VCX: variants seen among roughly 807,000 people sequenced by gnomAD.
The protein encoded by VCX is variable charge X-linked.
For missense variants in VCX, 45 were observed against 171.8 expected (o/e 0.26, Z 4.13); for synonymous variants, 17 against 79.4 (o/e 0.21, Z 4.18).
rs752893781 is a variant in VCX, at chrX:7,843,779, CCA to C, written c.385_386del (p.Gln129GlyfsTer?). The C allele has an allele frequency of 0.012, 4,431 of 373,228 alleles. 345 individuals carry two copies. Among genetic ancestry groups the C allele is most frequent in the Admixed American group, 0.09 (1,100 of 12,160 alleles). The allele number at this position is 373,228 out of a possible 1,213,427, so 30.8% of individuals were successfully genotyped here. A position where few individuals can be genotyped will look rare whatever the true frequency, so the allele number is the denominator to read the frequency against. ...EVEEPLSQESQVEEPLSQESE... is the reference protein window; with the variant it reads ...EVEEPLSQESXVEEPLSQESE... ...TGGAAGAACCACTGAGTCAGGAGAG[CCA>C]GGTGGAGGAACCACTGAGTCAGGAG... On this transcript the variant is annotated frameshift_variant, in exon 2 of 2. Transcript: ENST00000688183. LOFTEE classifies it low-confidence loss of function (END_TRUNC).
chrX:7,843,060 C>A (rs1268433222), upstream of VCX: 8 of 701,342 alleles, frequency 1.1e-5, 1 homozygote, highest in Non-Finnish European at 1.6e-5. Context: ...CCGCCCAGGG[C>A]GACCATTGGC....
At position 7,843,988 on chromosome X, in the gene VCX, G is replaced by C; in HGVS notation, c.593G>C (p.Ser198Thr). 9.8e-7 allele frequency: 1 copy of C among 1,017,148 alleles called. No individual in the cohort carries two copies. The highest frequency in any genetic ancestry group is 1.3e-6 in the Non-Finnish European group (1 of 744,109). The allele number at this position is 1,017,148 out of a possible 1,213,427, so 83.8% of individuals were successfully genotyped here. A position where few individuals can be genotyped will look rare whatever the true frequency, so the allele number is the denominator to read the frequency against. ...GTGGAGGAACCACCGAGTCAGGAGA[G>C]CGAGATGGAAGAACTACCGAGTGTG... ...SQVEEPPSQE[S>T]EMEELPSV Residue 198 changes from serine to threonine, a missense_variant, in exon 2 of 2, where the codon AGC becomes ACC. By Grantham distance (58) the Ser-to-Thr change is moderately conservative (BLOSUM62 1). Transcript: ENST00000688183.
chrX:7,844,090 C>G lies in VCX; in HGVS notation c.*74C>G. On this transcript the variant is annotated 3_prime_UTR_variant, in exon 2 of 2. Transcript: ENST00000688183. ...CAGCCGCCAGACCTCAGAGATCTCA[C>G]CAGCGGGGTGCTTGCCATTCTGAAG... The G allele has an allele frequency of 2.7e-6, 3 of 1,100,371 alleles. No homozygotes were observed. Among genetic ancestry groups the G allele is most frequent in the Non-Finnish European group, 2.4e-6 (2 of 828,946 alleles). The allele number at this position is 1,100,371 out of a possible 1,213,427, so 90.7% of individuals were successfully genotyped here.
upstream of VCX, chrX:7,842,988 C>A (rs1373390764): frequency 8.2e-5 from 4 of 48,712 alleles, no homozygotes; most frequent in Admixed American, 2.0e-4. Flanking sequence ...CACCCCCCCC[C>A]CCGCCCCCGA....
chrX:7,843,932 G>C lies in VCX; in HGVS notation c.537G>C (p.Glu179Asp). 4 of 1,094,731 alleles carry C rather than the reference G, an allele frequency of 3.7e-6. No homozygotes were observed. The highest frequency in any genetic ancestry group is 4.9e-6 in the Non-Finnish European group (4 of 821,203). 90.2% of individuals were successfully genotyped at this position (1,094,731 alleles called of 1,213,427 possible). A position where few individuals can be genotyped will look rare whatever the true frequency, so the allele number is the denominator to read the frequency against. ...QVEEPLSQES[E>D]MEEPLSQESQ... Reference sequence around the variant, plus strand: ...AGGAACCACTGAGTCAGGAGAGCGAGATGGAAGAACCACTGAGTCAGGAGA... The same window carrying C: ...AGGAACCACTGAGTCAGGAGAGCGACATGGAAGAACCACTGAGTCAGGAGA... The change falls in exon 2 of 2, where the codon GAG becomes GAC. Residue 179 changes from glutamate to aspartate, a missense_variant. By Grantham distance (45) the Glu-to-Asp change is conservative. Transcript: ENST00000688183.
At chrX:7,842,734 G>T, upstream of VCX, 1 of 202,802 alleles carries the variant, frequency 4.9e-6, no homozygotes, top group Admixed American at 6.8e-5. Flanking sequence ...AGCATGGAGG[G>T]ATTTTAGGTA....
chrX:7,842,695 C>T (rs1424411331), upstream of VCX: 6 of 164,221 alleles, frequency 3.7e-5, no homozygotes, highest in African/African-American at 1.9e-4. Context: ...CAACTGACGT[C>T]TTCATATAGC....
chrX:7,842,542 A>G (rs1269719908), upstream of VCX: 37 of 115,784 alleles, frequency 3.2e-4, no homozygotes, highest in African/African-American at 1.1e-3. Flanking sequence ...ATGCGCCACC[A>G]TGCCTGACTA....
upstream of VCX, chrX:7,842,775 G>T (rs764120244): frequency 8.4e-6 from 2 of 237,190 alleles, no homozygotes; most frequent in Non-Finnish European, 1.5e-5. Context: ...ATGATGGCAG[G>T]TGTGGAGGAA....
rs140123807 is a variant in VCX, at chrX:7,843,218, G to C, written c.15G>C (p.Pro5=). 87,268 of 1,127,726 alleles carry C rather than the reference G, an allele frequency of 0.077. 308 individuals carry two copies. Among genetic ancestry groups the C allele is most frequent in the Non-Finnish European group, 0.085 (70,961 of 834,668 alleles). The allele number at this position is 1,127,726 out of a possible 1,213,427, so 92.9% of individuals were successfully genotyped here. A position where few individuals can be genotyped will look rare whatever the true frequency, so the allele number is the denominator to read the frequency against. ...AGCTGCGGAAGATGAGTCCAAAGCC[G>C]AGAGCCTCGGGACCTCCGGCCAAGG... The part of the protein sequence containing the change: MSPK[P]RASGPPAKAT... Residue 5 remains proline (P), a synonymous_variant, in exon 1 of 2, where the codon CCG becomes CCC. Transcript: ENST00000688183.
rs1569092835 is a variant in VCX, at chrX:7,843,779, CCAGG to C, written c.385_388del (p.Gln129TrpfsTer5). 1 of 373,381 alleles carries C rather than the reference CCAGG, an allele frequency of 2.7e-6. No individual in the cohort carries two copies. The highest frequency in any genetic ancestry group is 8.2e-5 in the Admixed American group (1 of 12,239). The allele number at this position is 373,381 out of a possible 1,213,427, so 30.8% of individuals were successfully genotyped here. On this transcript the variant is annotated frameshift_variant, in exon 2 of 2. Transcript: ENST00000688183. LOFTEE classifies it low-confidence loss of function (END_TRUNC). The stretch of plus-strand genomic sequence containing the variant: ...TGGAAGAACCACTGAGTCAGGAGAG[CCAGG>C]TGGAGGAACCACTGAGTCAGGAGAG...
rs1922530416 is a variant in VCX, at chrX:7,844,113, A to C, written c.*97A>C. On this transcript the variant is annotated 3_prime_UTR_variant, in exon 2 of 2. Coordinates refer to ENST00000688183, the MANE Select transcript of VCX (RefSeq NM_001393662.1). The stretch of plus-strand genomic sequence containing the variant: ...CACCAGCGGGGTGCTTGCCATTCTG[A>C]AGATAATAAAATGAATGTGTTGCAA... 1 of 1,065,043 alleles carries C rather than the reference A, an allele frequency of 9.4e-7. No individual in the cohort carries two copies. Among genetic ancestry groups the C allele is most frequent in the Non-Finnish European group, 1.2e-6 (1 of 808,341 alleles). 87.8% of individuals were successfully genotyped at this position (1,065,043 alleles called of 1,213,427 possible).
In VCX at chrX:7,844,015, A is replaced by G. The variant is rs1202851140; in HGVS notation, c.620A>G (p.Ter207TrpextTer13). The change falls in exon 2 of 2, where the codon TAG becomes TGG. Residue 207 changes from the stop codon to tryptophan, a stop_lost. Coordinates refer to ENST00000688183, the MANE Select transcript of VCX (RefSeq NM_001393662.1). The stretch of plus-strand genomic sequence containing the variant: ...GAGATGGAAGAACTACCGAGTGTGT[A>G]GACGGCCAAGTACTCCCCTATCTCC... ...ESEMEELPSV[*>W] is the part of the protein sequence containing the mutation. 5.2e-5 allele frequency: 59 copies of G among 1,125,672 alleles called. No individual in the cohort carries two copies. The highest frequency in any genetic ancestry group is 6.7e-5 in the Non-Finnish European group (56 of 840,202). 92.8% of individuals were successfully genotyped at this position (1,125,672 alleles called of 1,213,427 possible). A position where few individuals can be genotyped will look rare whatever the true frequency, so the allele number is the denominator to read the frequency against.
rs1922481957 is a variant in VCX, at chrX:7,843,742, A to C, written c.347A>C (p.Gln116Pro). The C allele has an allele frequency of 9.1e-7, 1 of 1,104,588 alleles. No homozygotes were observed. Among genetic ancestry groups the C allele is most frequent in the African/African-American group, 2.3e-5 (1 of 42,601 alleles). 91.0% of individuals were successfully genotyped at this position (1,104,588 alleles called of 1,213,427 possible). The change falls in exon 2 of 2, where the codon CAG (glutamine) becomes CCG (proline). Residue 116 changes from glutamine (Q) to proline (P), a missense_variant. Transcript: ENST00000688183. The part of the protein sequence containing the change: ...QEAELEEPLS[Q>P]ESEVEEPLSQ... ...GCCGAGCTGGAGGAACCACTGAGTC[A>C]GGAGAGCGAGGTGGAAGAACCACTG...
Position 7,843,588 on chromosome X carries a change from C to T in VCX, c.193C>T (p.Pro65Ser). ...GACAAAGATGGCGGCCGTGACGGCA[C>T]CTGAGGCGGAGAGCGCGCCAGCGGC... ...AATKMAAVTA[P>S]EAESAPAAPG... The change falls in exon 2 of 2, where the codon CCT (proline) becomes TCT (serine). Residue 65 changes from proline to serine, a missense_variant. Transcript: ENST00000688183. 6.3e-6 allele frequency: 7 copies of T among 1,112,263 alleles called. No homozygotes were observed. Among genetic ancestry groups the T allele is most frequent in the Non-Finnish European group, 8.4e-6 (7 of 834,511 alleles). 91.7% of individuals were successfully genotyped at this position (1,112,263 alleles called of 1,213,427 possible). A position where few individuals can be genotyped will look rare whatever the true frequency, so the allele number is the denominator to read the frequency against.
rs763346669 is a variant in VCX at position 7,843,650 on chromosome X, T to G, written c.255T>G (p.Pro85=). ...GCGACCAGCCCAGCCAGGAGCTCCC[T>G]CAGCACGAGCTGCCGCCGGAGGAGC... The part of the protein sequence containing the change: ...GPSDQPSQEL[P]QHELPPEEPV... Residue 85 remains proline (P), a synonymous_variant, in exon 2 of 2, where the codon CCT becomes CCG. Coordinates refer to ENST00000688183, the MANE Select transcript of VCX (RefSeq NM_001393662.1). 2 of 1,127,059 alleles carry G rather than the reference T, an allele frequency of 1.8e-6. No homozygotes were observed. Among genetic ancestry groups the G allele is most frequent in the East Asian group, 3.1e-5 (1 of 32,671 alleles). 92.9% of individuals were successfully genotyped at this position (1,127,059 alleles called of 1,213,427 possible). A position where few individuals can be genotyped will look rare whatever the true frequency, so the allele number is the denominator to read the frequency against.
rs370923338 is a variant in VCX at position 7,843,189 on chromosome X, G to T, written c.-15G>T. On this transcript the variant is annotated 5_prime_UTR_variant, in exon 1 of 2. Coordinates refer to ENST00000688183, the MANE Select transcript of VCX (RefSeq NM_001393662.1). Reference sequence around the variant, plus strand: ...TGGAGTTAGCCGACCGTTGCGAGACGTTGAGCTGCGGAAGATGAGTCCAAA... The same window carrying T: ...TGGAGTTAGCCGACCGTTGCGAGACTTTGAGCTGCGGAAGATGAGTCCAAA... 1 of 1,176,124 alleles carries T rather than the reference G, an allele frequency of 8.5e-7. No homozygotes were observed. Among genetic ancestry groups the T allele is most frequent in the African/African-American group, 1.8e-5 (1 of 54,977 alleles).
chrX:7,844,040 C>T lies in VCX; in HGVS notation c.*24C>T, dbSNP rs74950482. 143,783 of 920,665 alleles carry T rather than the reference C, an allele frequency of 0.16. 6,054 individuals carry two copies. Among genetic ancestry groups the T allele is most frequent in the African/African-American group, 0.29 (7,905 of 27,611 alleles). 75.9% of individuals were successfully genotyped at this position (920,665 alleles called of 1,213,427 possible). On this transcript the variant is annotated 3_prime_UTR_variant, in exon 2 of 2. Coordinates refer to ENST00000688183, the MANE Select transcript of VCX (RefSeq NM_001393662.1). ...AGACGGCCAAGTACTCCCCTATCTCCGAGAGCAGCGACTAAGTTCAGGCCC... is the reference window on the plus strand; with the variant it reads ...AGACGGCCAAGTACTCCCCTATCTCTGAGAGCAGCGACTAAGTTCAGGCCC...
upstream of VCX, chrX:7,842,732 G>A (rs1183612135): frequency 1.0e-5 from 2 of 196,833 alleles, no homozygotes; most frequent in East Asian, 1.4e-4. Flanking sequence ...TTAGCATGGA[G>A]GGATTTTAGG....
Sources: gnomAD v4.1 joint callset for allele counts on GRCh38, gnomAD v4.1.1 for gene constraint, MANE v1.5 for transcripts, NCBI Gene and HGNC (gene_info 2026-07-23, HGNC 2026-07-21) for gene names.